The following PDE5A variants were observed in gnomAD, a reference collection of about 807,000 sequenced individuals.
PDE5A encodes the protein phosphodiesterase 5A, also known as cGMP-specific 3',5'-cyclic phosphodiesterase.
PDE5A carries 67 observed loss-of-function variants against 110.2 expected under a neutral mutation model. The ratio of observed to expected loss-of-function variants is 0.61; its 90% CI spans 0.50 to 0.75. PDE5A has a LOEUF of 0.75. Ranked by LOEUF, PDE5A falls within the 30% of genes least tolerant of loss-of-function variation. The pLI is 0.00. For missense variants in PDE5A, 862 were observed against 1,045.1 expected (o/e 0.82, Z 2.42); for synonymous variants, 328 against 351.2 (o/e 0.93, Z 0.74).
In PDE5A at chr4:119,627,051, T is replaced by A; in HGVS notation, c.152+1469A>T. The A allele has an allele frequency of 7.5e-7, 1 of 1,335,606 alleles. No homozygotes were observed. 82.7% of individuals were successfully genotyped at this position (1,335,606 alleles called of 1,614,324 possible). On this transcript the variant is annotated intron_variant, in intron 1 of 20. Transcript: ENST00000354960. This position sits in a 1 kb window ranked among gnomAD's most constrained non-coding sequence, Gnocchi z 4.6. ...ACAGTCAATTTTCAATGATACATCG[T>A]CCCACTGGTGCCACCGGGGCGCCAC...
chr4:119,551,636 A>G (rs1038290631), intron 9 of PDE5A, among the ~76,000 whole-genome samples: 11 of 152,176 alleles, frequency 7.2e-5, no homozygotes, highest in African/African-American at 2.7e-4. Context: ...GACAAATGTT[A>G]CTTTACTCTT....
At chr4:119,574,179 C>CTTTTTTTTTTT (rs70944893) in intron 3 of PDE5A, among the ~76,000 whole-genome samples, 3 of 89,176 alleles carry the variant, frequency 3.4e-5, no homozygotes, top group Non-Finnish European at 5.8e-5. Flanking sequence ...AAAATATAGG[C>CTTTTTTTTTTT]TTTTTTTTTT....
At chr4:119,535,435 G>A (rs956197497) in intron 11 of PDE5A, among the ~76,000 whole-genome samples, 2 of 152,058 alleles carry the variant, frequency 1.3e-5, no homozygotes, top group Non-Finnish European at 2.9e-5. Context: ...CACCCTGACT[G>A]ATCTCCTACA....
intron 2 of PDE5A, among the ~76,000 whole-genome samples, chr4:119,599,731 A>ACACG (rs1472080581): frequency 1.3e-5 from 2 of 151,770 alleles, no homozygotes; most frequent in Non-Finnish European, 2.9e-5. Flanking sequence ...ACACACACAC[A>ACACG]CACACACACA....
intron 3 of PDE5A, 120 bp downstream of exon 3, chr4:119,596,403 A>G (rs1729152210): frequency 1.1e-5 from 5 of 476,056 alleles, no homozygotes; most frequent in Non-Finnish European, 1.8e-5. Flanking sequence ...AACATTTAAG[A>G]ACTTTATAGC....
chr4:119,574,223 C>T (rs532224734), intron 3 of PDE5A, among the ~76,000 whole-genome samples: 2 of 126,346 alleles, frequency 1.6e-5, no homozygotes, highest in Non-Finnish European at 3.1e-5. Flanking sequence ...CACTCTGTCG[C>T]CCAGGCTGGA....
At chr4:119,502,186 A>T (rs945699795) in intron 19 of PDE5A, among the ~76,000 whole-genome samples, 2 of 151,126 alleles carry the variant, frequency 1.3e-5, no homozygotes, top group South Asian at 2.2e-4. Context: ...AACATCTATG[A>T]TGGATGTTTA....
intron 3 of PDE5A, among the ~76,000 whole-genome samples, chr4:119,568,918 A>G (rs1728043357): frequency 1.3e-5 from 2 of 152,180 alleles, no homozygotes; most frequent in Admixed American, 1.3e-4. Context: ...TCAAAAATAT[A>G]AGAAGACAAA....
chr4:119,538,390 G>A (rs1248062914), intron 11 of PDE5A, among the ~76,000 whole-genome samples: 2 of 152,250 alleles, frequency 1.3e-5, no homozygotes, highest in East Asian at 3.9e-4. Flanking sequence ...GTTGTAAAGT[G>A]TTAAAGTGCC....
At chr4:119,529,558 G>A (rs1726458382) in intron 11 of PDE5A, among the ~76,000 whole-genome samples, 1 of 152,094 alleles carries the variant, frequency 6.6e-6, no homozygotes, top group African/African-American at 2.4e-5. Context: ...GACTCTAGAG[G>A]GAATACTGCA....
At chr4:119,508,226 AG>A (rs1291377118) in intron 15 of PDE5A, among the ~76,000 whole-genome samples, 3 of 152,038 alleles carry the variant, frequency 2.0e-5, no homozygotes, top group African/African-American at 7.2e-5. Flanking sequence ...CATGAGCCAA[AG>A]GGTGCTTACT....
chr4:119,580,606 C>G (rs575740615), intron 3 of PDE5A, among the ~76,000 whole-genome samples: 1 of 152,264 alleles, frequency 6.6e-6, no homozygotes, highest in Admixed American at 6.5e-5. Context: ...CCTCATCTCA[C>G]TAGGAATTCA....
intron 9 of PDE5A, among the ~76,000 whole-genome samples, chr4:119,544,201 A>T (rs1425637291): frequency 3.9e-5 from 6 of 152,156 alleles, no homozygotes; most frequent in Admixed American, 2.0e-4. Flanking sequence ...TTTACTTTTC[A>T]TACTATAAAT....
chr4:119,529,847 T>G (rs1726468032), intron 11 of PDE5A, among the ~76,000 whole-genome samples: 1 of 152,132 alleles, frequency 6.6e-6, no homozygotes, highest in African/African-American at 2.4e-5. Context: ...TTTGACCTGA[T>G]GAGTTTGAAG....
rs1729544023 is a variant in PDE5A, at chr4:119,606,750, C to T, written c.700G>A (p.Ala234Thr). 1 of 1,614,024 alleles carries T rather than the reference C, an allele frequency of 6.2e-7. No individual in the cohort carries two copies. The highest frequency in any genetic ancestry group is 1.3e-5 in the African/African-American group (1 of 74,888). The stretch of plus-strand genomic sequence containing the variant: ...ATGTTCAAGGGCTCACCAAGCGCTG[C>T]CACATGTCCCACAATGCCTTTGTTC... The part of the protein sequence containing the change: ...EWNKGIVGHV[A>T]ALGEPLNIKD... The change falls in exon 2 of 21, where the codon GCA (alanine) becomes ACA (threonine). Residue 234 changes from alanine to threonine, a missense_variant. By Grantham distance (58) the Ala-to-Thr change is moderately conservative. Transcript: ENST00000354960.
chr4:119,552,732 A>C, intron 8 of PDE5A, 95 bp from the exon 9 acceptor site: 1 of 596,894 alleles, frequency 1.7e-6, no homozygotes, highest in Non-Finnish European at 2.8e-6. Flanking sequence ...ATTTGAAAGC[A>C]CTATATATTC....
chr4:119,561,976 T>C (rs944925906), intron 6 of PDE5A, among the ~76,000 whole-genome samples: 6 of 152,232 alleles, frequency 3.9e-5, no homozygotes, highest in Admixed American at 2.0e-4. Context: ...CATATGTAGA[T>C]TATAATTGAC....
intron 1 of PDE5A, among the ~76,000 whole-genome samples, chr4:119,617,050 T>C (rs1442524500): frequency 6.6e-6 from 1 of 152,140 alleles, no homozygotes; most frequent in African/African-American, 2.4e-5. Context: ...TCATAGTCTC[T>C]AAAAAGTTTA....
chr4:119,568,103 T>G (rs1306194414), intron 3 of PDE5A, among the ~76,000 whole-genome samples: 3 of 152,142 alleles, frequency 2.0e-5, no homozygotes, highest in African/African-American at 7.2e-5. Context: ...TTGTCTTATG[T>G]AGTTTTCTAG....
Sources: allele counts gnomAD v4.1 joint callset (sites outside exome capture counted in the v4.1 genomes callset), GRCh38; gene constraint gnomAD v4.1.1; non-coding constraint Gnocchi (gnomAD v3.1); transcripts MANE v1.5; gene names NCBI Gene and HGNC (gene_info 2026-07-23, HGNC 2026-07-21).